CDKL2: variants seen among roughly 807,000 people sequenced by gnomAD.
CDKL2 encodes cyclin-dependent kinase-like 2.
CDKL2 carries 64 observed loss-of-function variants against 63.9 expected under a neutral mutation model. The observed-to-expected ratio is 1.00, with a 90% CI of 0.82 to 1.23. The LOEUF (loss-of-function observed/expected upper bound fraction) is 1.23, where lower values mean the gene tolerates loss of function less well. Ranked by LOEUF, CDKL2 falls within the 50% of genes most tolerant of loss-of-function variation. The pLI, the probability that CDKL2 is intolerant of heterozygous loss-of-function variation, is 0.00. For missense variants in CDKL2, 656 were observed against 668.0 expected, an observed-to-expected ratio of 0.98 and a Z score of 0.20; for synonymous variants, 211 against 229.2, an observed-to-expected ratio of 0.92 and a Z score of 0.72.
chr4:75,611,087 G>C (rs76649052), intron 3 of CDKL2, among the ~76,000 whole-genome samples: 1 of 151,972 alleles, frequency 6.6e-6, no homozygotes, highest in Non-Finnish European at 1.5e-5. Context: ...TTAACTAGGG[G>C]CTGGGAGTAA....
At position 75,592,267 on chromosome 4, in the gene CDKL2, G is replaced by C. The variant is rs1460898374; in HGVS notation, c.1419C>G (p.Val473=). The C allele has an allele frequency of 1.3e-6, 2 of 1,526,134 alleles. No individual in the cohort carries two copies. The highest frequency in any genetic ancestry group is 1.7e-6 in the Non-Finnish European group (2 of 1,144,254). The allele number at this position is 1,526,134 out of a possible 1,614,324, so 94.5% of individuals were successfully genotyped here. Residue 473 remains valine, a splice_region_variant and synonymous_variant, in exon 11 of 14, where the codon GTC becomes GTG. Transcript: ENST00000307465. ...GIYNINVTTL[V]SSEKNLFWAS... is the part of the protein sequence containing the mutation. ...CCCAAAAGAGGTTTTTTTCACTAGA[G>C]ACCTAATATCATCAACATAGTCAAC...
intron 12 of CDKL2, among the ~76,000 whole-genome samples, chr4:75,587,084 A>T (rs1425394657): frequency 6.6e-6 from 1 of 152,234 alleles, no homozygotes; most frequent in Non-Finnish European, 1.5e-5. Context: ...AACTATACTG[A>T]TCAAGAAAAA....
chr4:75,617,090 G>C (rs6531780), intron 2 of CDKL2, among the ~76,000 whole-genome samples: 62,758 of 151,912 alleles, frequency 0.41, 13,954 homozygotes, highest in African/African-American at 0.55. Context: ...TTTTGAACTA[G>C]TTGGTAGTCT....
At chr4:75,584,090 A>G (rs1560571609) in intron 12 of CDKL2, among the ~76,000 whole-genome samples, 3 of 152,208 alleles carry the variant, frequency 2.0e-5, no homozygotes, top group East Asian at 1.9e-4. Flanking sequence ...CATGGAATAA[A>G]TGTTACTAAT....
At chr4:75,626,404 C>T (rs1301191912) in intron 1 of CDKL2, among the ~76,000 whole-genome samples, 4 of 152,074 alleles carry the variant, frequency 2.6e-5, no homozygotes, top group African/African-American at 4.8e-5. Flanking sequence ...CAGTGGCTCA[C>T]GCCTGTAATC....
intron 2 of CDKL2, among the ~76,000 whole-genome samples, chr4:75,619,498 A>C (rs150460155): frequency 2.6e-3 from 376 of 146,210 alleles, no homozygotes; most frequent in African/African-American, 9.0e-3. Flanking sequence ...CAGAATGTGC[A>C]GGTAGGCCAG....
chr4:75,587,163 A>C (rs1728512589), intron 12 of CDKL2, among the ~76,000 whole-genome samples: 1 of 152,198 alleles, frequency 6.6e-6, no homozygotes, highest in Non-Finnish European at 1.5e-5. Context: ...TATTAAAAGG[A>C]CAATAAGAGG....
intron 2 of CDKL2, among the ~76,000 whole-genome samples, chr4:75,615,263 T>A (rs556394497): frequency 2.0e-5 from 3 of 152,256 alleles, no homozygotes; most frequent in Non-Finnish European, 4.4e-5. Context: ...TCATGGCCTC[T>A]CCCCAGAACC....
At chr4:75,625,534 C>T (rs1284440446) in intron 2 of CDKL2, among the ~76,000 whole-genome samples, 2 of 151,998 alleles carry the variant, frequency 1.3e-5, no homozygotes, top group African/African-American at 2.4e-5. Context: ...GCAAAATAAA[C>T]CCATACAAAT....
intron 13 of CDKL2, among the ~76,000 whole-genome samples, chr4:75,580,222 G>A (rs1171679650): frequency 1.3e-5 from 2 of 152,112 alleles, no homozygotes; most frequent in East Asian, 1.9e-4. Context: ...TTGTGCCACT[G>A]CACTCCAGCC....
intron 10 of CDKL2, among the ~76,000 whole-genome samples, chr4:75,592,564 TG>T (rs1728762780): frequency 6.6e-6 from 1 of 152,238 alleles, no homozygotes; most frequent in African/African-American, 2.4e-5. Context: ...GGTTAAAAGA[TG>T]GGCATTGATG....
chr4:75,613,007 C>T (rs1017268254), intron 3 of CDKL2, among the ~76,000 whole-genome samples: 2 of 152,158 alleles, frequency 1.3e-5, no homozygotes, highest in African/African-American at 4.8e-5. Flanking sequence ...CGCCTGTAGT[C>T]CCAGCTACTC....
intron 1 of CDKL2, among the ~76,000 whole-genome samples, chr4:75,626,849 C>G (rs1016464871): frequency 3.3e-5 from 5 of 151,846 alleles, no homozygotes; most frequent in Non-Finnish European, 7.4e-5. Flanking sequence ...TGTGATGGCA[C>G]TGCACACCAG....
chr4:75,580,619 A>T (rs1179338073), intron 13 of CDKL2, among the ~76,000 whole-genome samples: 1 of 149,120 alleles, frequency 6.7e-6, no homozygotes, highest in Admixed American at 6.7e-5. Context: ...GTGAGCCGAG[A>T]TCACGCCACT....
intron 6 of CDKL2, among the ~76,000 whole-genome samples, chr4:75,601,298 T>TAA (rs1729180347): frequency 4.6e-5 from 7 of 152,298 alleles, no homozygotes; most frequent in African/African-American, 1.7e-4. Flanking sequence ...CCTGTGCTTA[T>TAA]CACTATGCTA....
chr4:75,607,397 A>C, intron 3 of CDKL2, 36 bp from the exon 4 acceptor site: 1 of 1,556,480 alleles, frequency 6.4e-7, no homozygotes, highest in Non-Finnish European at 8.8e-7. Context: ...ATGTTAAATA[A>C]AATTAATTAT....
At position 75,577,015 on chromosome 4, in the gene CDKL2, C is replaced by A. The variant is rs908142044; in HGVS notation, c.*2187G>T. On this transcript the variant is annotated 3_prime_UTR_variant, in exon 14 of 14. Coordinates refer to ENST00000307465, the MANE Select transcript of CDKL2 (RefSeq NM_001330724.2). Reference sequence around the variant, plus strand: ...ATCCAAAGTTTTCCAGAAGAATTAACAGATTTAAAACTTATTTGTTAAATA... The same window carrying A: ...ATCCAAAGTTTTCCAGAAGAATTAAAAGATTTAAAACTTATTTGTTAAATA... Among the ~76,000 whole-genome samples the A allele has an allele frequency of 6.6e-5, 10 of 152,096 alleles. No homozygotes were observed. Among genetic ancestry groups the A allele is most frequent in the African/African-American group, 2.4e-4 (10 of 41,416 alleles).
intron 13 of CDKL2, among the ~76,000 whole-genome samples, chr4:75,580,802 G>A (rs1291550275): frequency 3.4e-5 from 5 of 148,054 alleles, no homozygotes; most frequent in African/African-American, 4.9e-5. Flanking sequence ...CCGGGTTCAC[G>A]CCATTCTCCT....
intron 13 of CDKL2, 133 bp downstream of exon 13, chr4:75,581,677 C>A: frequency 1.8e-6 from 1 of 555,354 alleles, no homozygotes; most frequent in Non-Finnish European, 3.3e-6. Flanking sequence ...AGTGGCACAA[C>A]TCTTTCTCTA....
Sources: allele counts gnomAD v4.1 joint callset (sites outside exome capture counted in the v4.1 genomes callset), GRCh38; gene constraint gnomAD v4.1.1; transcripts MANE v1.5; gene names NCBI Gene and HGNC (gene_info 2026-07-23, HGNC 2026-07-21).